CRB1: variants seen among roughly 807,000 people sequenced by gnomAD.
CRB1 encodes protein crumbs homolog 1.
CRB1 carries 83 observed loss-of-function variants against 120.0 expected under a neutral mutation model. The ratio of observed to expected loss-of-function variants is 0.69; its 90% confidence interval spans 0.58 to 0.83. The LOEUF (loss-of-function observed/expected upper bound fraction) is 0.83. Ranked by LOEUF, CRB1 falls within the 40% of genes least tolerant of loss-of-function variation. The probability of loss-of-function intolerance (pLI) is 0.00; values close to 1 mark genes in which losing one functional copy is unlikely to be tolerated. For synonymous variants in CRB1, 625 were observed against 612.5 expected (o/e 1.02, Z -0.30); for missense variants, 1,699 against 1,687.6 (o/e 1.01, Z -0.12).
intron 1 of CRB1, among the ~76,000 whole-genome samples, chr1:197,275,708 G>A (rs148004875): frequency 6.6e-6 from 1 of 151,964 alleles, no homozygotes; most frequent in African/African-American, 2.4e-5. Flanking sequence ...ATTTCCTCGG[G>A]ACAAATAGTT....
intron 5 of CRB1, among the ~76,000 whole-genome samples, chr1:197,411,268 C>G (rs952360460): frequency 6.6e-6 from 1 of 152,166 alleles, no homozygotes; most frequent in Non-Finnish European, 1.5e-5. Flanking sequence ...CAGATACTAT[C>G]ATCGGTCATG....
chr1:197,231,562 T>C, the CRB1 span, among the ~76,000 whole-genome samples: 3 of 152,202 alleles, frequency 2.0e-5, no homozygotes, highest in Non-Finnish European at 2.9e-5. Flanking sequence ...AGCATGCTGA[T>C]AGAATGAAAT....
chr1:197,301,806 A>G (rs1656878502), intron 1 of CRB1, among the ~76,000 whole-genome samples: 1 of 152,164 alleles, frequency 6.6e-6, no homozygotes, highest in African/African-American at 2.4e-5. Context: ...GAGAAGTAGA[A>G]TTAGAAGTGG....
chr1:197,327,121 A>C lies in CRB1; in HGVS notation c.71-1301A>C, dbSNP rs78885695. Among the ~76,000 whole-genome samples, 91 of 138,964 alleles carry C rather than the reference A, an allele frequency of 6.5e-4. 2 individuals carry two copies. The highest frequency in any genetic ancestry group is 3.6e-4 in the African/African-American group (14 of 38,954). 91.2% of individuals were successfully genotyped at this position (138,964 alleles called of 152,430 possible). A position where few individuals can be genotyped will look rare whatever the true frequency, so the allele number is the denominator to read the frequency against. Reference sequence around the variant, plus strand: ...AAAAAAAAAAAAAAAAAAAAAAAAAAAAAAAAAAAAACAGAAACCAAGGCT... The same window carrying C: ...AAAAAAAAAAAAAAAAAAAAAAAAACAAAAAAAAAAACAGAAACCAAGGCT... On this transcript the variant is annotated intron_variant, in intron 1 of 11. Coordinates refer to ENST00000367400, the MANE Select transcript of CRB1 (RefSeq NM_201253.3).
the CRB1 span, among the ~76,000 whole-genome samples, chr1:197,262,678 C>A: frequency 2.0e-5 from 3 of 152,176 alleles, no homozygotes; most frequent in East Asian, 5.8e-4. Context: ...CAGCCCTTCA[C>A]CCCCTTCTTC....
chr1:197,477,143 C>T (rs1667231868), intron 11 of CRB1, among the ~76,000 whole-genome samples: 1 of 152,124 alleles, frequency 6.6e-6, no homozygotes, highest in South Asian at 2.1e-4. Flanking sequence ...TTGGAAACCC[C>T]CTGCGAGACC....
chr1:197,265,300 T>C (rs1654606703), upstream of CRB1, among the ~76,000 whole-genome samples: 1 of 151,918 alleles, frequency 6.6e-6, no homozygotes, highest in South Asian at 2.1e-4. Flanking sequence ...CTCTCCTGCT[T>C]CTTTCTTTCC....
chr1:197,440,374 G>C (rs899717495), intron 10 of CRB1: 21 of 152,228 alleles, frequency 1.4e-4, no homozygotes, highest in African/African-American at 3.1e-4. Context: ...AGAAAGAAAA[G>C]AAAGCTTAGA....
At chr1:197,349,906 C>T (rs1405727976) in intron 4 of CRB1, among the ~76,000 whole-genome samples, 1 of 151,782 alleles carries the variant, frequency 6.6e-6, no homozygotes, top group Admixed American at 6.6e-5. Context: ...CGAGACCATC[C>T]TGGCTAACAA....
chr1:197,237,390 C>G, the CRB1 span, among the ~76,000 whole-genome samples: 1 of 152,156 alleles, frequency 6.6e-6, no homozygotes, highest in Non-Finnish European at 1.5e-5. Flanking sequence ...ATGGCATCTT[C>G]TTGCAGCATC....
chr1:197,269,347 C>T (rs1654780083), intron 1 of CRB1, among the ~76,000 whole-genome samples: 1 of 152,174 alleles, frequency 6.6e-6, no homozygotes, highest in South Asian at 2.1e-4. Flanking sequence ...TCTGTGGCTG[C>T]ACCAGTGAGA....
chr1:197,384,180 G>A (rs1247324819), intron 5 of CRB1, among the ~76,000 whole-genome samples: 1 of 152,060 alleles, frequency 6.6e-6, no homozygotes, highest in East Asian at 1.9e-4. Context: ...AATCCTCTAA[G>A]GTATCACCAT....
At chr1:197,260,825 T>C in the CRB1 span, among the ~76,000 whole-genome samples, 1 of 151,980 alleles carries the variant, frequency 6.6e-6, no homozygotes, top group Admixed American at 6.6e-5. Context: ...GCCTCCCAAG[T>C]AGCTGGGACG....
At chr1:197,396,587 C>T (rs923758969) in intron 5 of CRB1, among the ~76,000 whole-genome samples, 1 of 152,090 alleles carries the variant, frequency 6.6e-6, no homozygotes, top group Admixed American at 6.6e-5. Context: ...GTTATAGAAG[C>T]ACAGCAATCA....
At chr1:197,404,441 C>CAAAAAAAAAAAAAAA (rs558125777) in intron 5 of CRB1, among the ~76,000 whole-genome samples, 1 of 58,722 alleles carries the variant, frequency 1.7e-5, no homozygotes, top group African/African-American at 5.9e-5. Context: ...GACTCCGTCT[C>CAAAAAAAAAAAAAAA]AAAAAAAAAA....
rs62636262 is a variant in CRB1 at position 197,328,781 on chromosome 1, T to G, written c.430T>G (p.Phe144Val). The change falls in exon 2 of 12, where the codon TTC becomes GTC. Residue 144 changes from phenylalanine to valine, a missense_variant. Transcript: ENST00000367400. ...CTGCCCTGCTGGATATGCTGGAAGA[T>G]TCTGTGAGATAGATCACGATGAGTG... ...CICPAGYAGR[F>V]CEIDHDECAS... 6.9e-5 allele frequency: 111 copies of G among 1,612,950 alleles called. No individual in the cohort carries two copies. The Admixed American group carries it at 1.3e-3, about 19-fold the overall frequency.
At chr1:197,224,328 C>A in the CRB1 span, among the ~76,000 whole-genome samples, 1 of 152,010 alleles carries the variant, frequency 6.6e-6, no homozygotes, top group Non-Finnish European at 1.5e-5. Context: ...TAGACAGAAG[C>A]GACTTTGAAT....
chr1:197,207,938 G>A, the CRB1 span, among the ~76,000 whole-genome samples: 2 of 151,808 alleles, frequency 1.3e-5, no homozygotes, highest in African/African-American at 4.8e-5. Flanking sequence ...CTTTGTTTTG[G>A]TTGGATTGAG....
chr1:197,352,589 G>A (rs1660162382), intron 4 of CRB1, among the ~76,000 whole-genome samples: 1 of 151,916 alleles, frequency 6.6e-6, no homozygotes, highest in African/African-American at 2.4e-5. Flanking sequence ...TATTCAAAAG[G>A]TAGACATTCA....
Sources: allele counts gnomAD v4.1 joint callset (sites outside exome capture counted in the v4.1 genomes callset), GRCh38; gene constraint gnomAD v4.1.1; transcripts MANE v1.5; gene names NCBI Gene and HGNC (gene_info 2026-07-23, HGNC 2026-07-21).